The following TSNARE1 variants were observed in gnomAD, a reference collection of about 807,000 sequenced individuals.
TSNARE1 encodes the protein t-SNARE domain-containing protein 1.
Under a neutral mutation model 62.0 loss-of-function variants are expected in TSNARE1, and 49 were observed. That is an observed-to-expected ratio of 0.79 (90% CI 0.63 to 1.00). The LOEUF (loss-of-function observed/expected upper bound fraction) is 1.00. Among genes scored for constraint, TSNARE1 ranks in the 50% least tolerant of loss-of-function variants. TSNARE1 has a pLI of 0.00. For synonymous variants in TSNARE1, 328 were observed against 294.4 expected, an observed-to-expected ratio of 1.11 and a Z score of -1.17; for missense variants, 755 against 700.1, an observed-to-expected ratio of 1.08 and a Z score of -0.88.
At chr8:142,280,046 A>T in intron 11 of TSNARE1, 2 of 1,235,620 alleles carry the variant, frequency 1.6e-6, no homozygotes, top group Non-Finnish European at 2.1e-6. Flanking sequence ...CGGCGGCAGT[A>T]GCCCAGCGCG....
chr8:142,274,604 C>G (rs1347138338), intron 12 of TSNARE1, 177 bp downstream of exon 12: 1 of 985,334 alleles, frequency 1.0e-6, no homozygotes. Context: ...TGCCGCAACC[C>G]CGCCACTCCC....
rs564638858 is a variant in TSNARE1, at chr8:142,398,223, C to T, written c.-40+4881G>A. 4.0e-5 allele frequency among the ~76,000 whole-genome samples: 6 copies of T among 151,468 alleles called. 1 individual carries two copies. Among genetic ancestry groups the T allele is most frequent in the Admixed American group, 3.3e-4 (5 of 15,214 alleles). On this transcript the variant is annotated intron_variant, in intron 1 of 13. Transcript: ENST00000524325. Reference sequence around the variant, plus strand: ...TCTACCCAGCCCTGCCCAAAACGCACCCCCAAACCCTCCCAAAGCGCACCC... The same window carrying T: ...TCTACCCAGCCCTGCCCAAAACGCATCCCCAAACCCTCCCAAAGCGCACCC...
At chr8:142,242,161 T>C (rs111569003) in intron 12 of TSNARE1, among the ~76,000 whole-genome samples, 250 of 56,806 alleles carry the variant, frequency 4.4e-3, no homozygotes, top group African/African-American at 0.016. Context: ...CTCCATCTCA[T>C]GCCATATACA....
At chr8:142,277,338 C>G (rs1386294534) in intron 11 of TSNARE1, 2 of 985,268 alleles carry the variant, frequency 2.0e-6, no homozygotes, top group East Asian at 2.3e-4. Flanking sequence ...GCACACACAC[C>G]TCAAAGGAAA....
At chr8:142,389,677 C>T (rs1837348444) in intron 1 of TSNARE1, among the ~76,000 whole-genome samples, 1 of 152,182 alleles carries the variant, frequency 6.6e-6, no homozygotes, top group African/African-American at 2.4e-5. Context: ...AAAAGATCTC[C>T]ACATCACTTA....
intron 9 of TSNARE1, 44 bp downstream of exon 9, chr8:142,314,340 T>C: frequency 6.3e-7 from 1 of 1,582,228 alleles, no homozygotes; most frequent in Non-Finnish European, 8.7e-7. Context: ...GATTCTGGGC[T>C]GTCCCCTAAC....
At chr8:142,304,985 T>G (rs908822063) in intron 9 of TSNARE1, among the ~76,000 whole-genome samples, 3 of 152,148 alleles carry the variant, frequency 2.0e-5, no homozygotes, top group African/African-American at 7.2e-5. Flanking sequence ...AACAAACTTT[T>G]GAGGTAAGAG....
At chr8:142,253,019 G>T (rs1258792649) in intron 12 of TSNARE1, among the ~76,000 whole-genome samples, 2 of 152,180 alleles carry the variant, frequency 1.3e-5, no homozygotes, top group East Asian at 3.8e-4. Flanking sequence ...CCCTGCCCAC[G>T]TCCCCTCCCC....
intron 6 of TSNARE1, among the ~76,000 whole-genome samples, chr8:142,320,630 A>G (rs768426714): frequency 2.0e-5 from 3 of 152,148 alleles, no homozygotes; most frequent in Non-Finnish European, 2.9e-5. Flanking sequence ...CTCCTGAATG[A>G]GCCGGACAAA....
At chr8:142,299,716 GCACTCACATGCACGCACA>G (rs1563859128) in intron 10 of TSNARE1, among the ~76,000 whole-genome samples, 1 of 151,772 alleles carries the variant, frequency 6.6e-6, no homozygotes, top group African/African-American at 2.4e-5. Flanking sequence ...ACTCACGCAC[GCACTCACATGCACGCACA>G]CACGTGCACA....
In TSNARE1 at chr8:142,227,417, A is replaced by T. The variant is rs28694901; in HGVS notation, c.*11+2056T>A. 1.3e-3 allele frequency among the ~76,000 whole-genome samples: 75 copies of T among 57,786 alleles called. 1 individual carries two copies. Among genetic ancestry groups the T allele is most frequent in the East Asian group, 7.8e-3 (20 of 2,566 alleles). The allele number at this position is 57,786 out of a possible 152,430, so 37.9% of individuals were successfully genotyped here. ...GCCCCAGTGACAGCCAGGAGCCCCA[A>T]CCTGCCCACAACCCCAGTGGCAGCC... is the stretch of plus-strand genomic sequence containing the variant. On this transcript the variant is annotated intron_variant, in intron 13 of 13. Coordinates refer to ENST00000524325, the MANE Select transcript of TSNARE1 (RefSeq NM_145003.5).
intron 13 of TSNARE1, among the ~76,000 whole-genome samples, chr8:142,216,683 G>A (rs1335744808): frequency 6.6e-6 from 1 of 152,208 alleles, no homozygotes; most frequent in East Asian, 1.9e-4. Context: ...CTGGGGTGGG[G>A]GACGAGCAGA....
At chr8:142,299,932 T>TA (rs1459749282) in intron 10 of TSNARE1, among the ~76,000 whole-genome samples, 2 of 152,184 alleles carry the variant, frequency 1.3e-5, no homozygotes, top group African/African-American at 4.8e-5. Flanking sequence ...TATACATGTG[T>TA]AAAAAATAAG....
intron 11 of TSNARE1, chr8:142,276,674 C>T: frequency 2.0e-6 from 2 of 985,406 alleles, no homozygotes; most frequent in Non-Finnish European, 2.4e-6. Context: ...CACCCTTGGA[C>T]TCAGCCTGTG....
At chr8:142,235,497 C>T (rs997308219) in intron 12 of TSNARE1, among the ~76,000 whole-genome samples, 3 of 150,930 alleles carry the variant, frequency 2.0e-5, no homozygotes, top group East Asian at 2.0e-4. Flanking sequence ...GAACACATGA[C>T]GTTTCAGAAA....
intron 1 of TSNARE1, among the ~76,000 whole-genome samples, chr8:142,383,976 G>C (rs935747696): frequency 1.4e-4 from 21 of 152,194 alleles, no homozygotes; most frequent in African/African-American, 4.6e-4. Flanking sequence ...GCCCACACAG[G>C]AGGGAGTGAA....
At chr8:142,220,065 C>T (rs887953616) in intron 13 of TSNARE1, among the ~76,000 whole-genome samples, 11 of 152,342 alleles carry the variant, frequency 7.2e-5, no homozygotes, top group African/African-American at 1.9e-4. Flanking sequence ...CGCTGTGTCC[C>T]GCCTTGGGTC....
chr8:142,333,261 A>G (rs1320210562), intron 4 of TSNARE1, among the ~76,000 whole-genome samples: 4 of 152,156 alleles, frequency 2.6e-5, no homozygotes. Flanking sequence ...CAGCGTTCAG[A>G]AGGAAGCACG....
chr8:142,294,583 G>C (rs1824367826), intron 10 of TSNARE1, among the ~76,000 whole-genome samples: 1 of 152,206 alleles, frequency 6.6e-6, no homozygotes, highest in Admixed American at 6.5e-5. Flanking sequence ...GCTCAGTGCA[G>C]AGGGTGGAGG....
Sources: gnomAD v4.1 joint callset for allele counts (sites outside exome capture counted in the v4.1 genomes callset) on GRCh38, gnomAD v4.1.1 for gene constraint, MANE v1.5 for transcripts, NCBI Gene and HGNC (gene_info 2026-07-23, HGNC 2026-07-21) for gene names.